Variants in ZNF385D observed in about 807,000 individuals in gnomAD.
The protein encoded by ZNF385D is zinc finger protein 385D, also known as zinc finger protein 659.
In ZNF385D, 15 loss-of-function variants were observed where a neutral mutation model predicts 35.8. The observed-to-expected ratio is 0.42, with a 90% CI of 0.28 to 0.64. ZNF385D has a LOEUF of 0.64. ZNF385D is among the 30% of genes least tolerant of loss of function. The probability of loss-of-function intolerance (pLI) is 0.23; values close to 1 mark genes in which losing one functional copy is unlikely to be tolerated. For missense variants in ZNF385D, 474 were observed against 494.6 expected (o/e 0.96, Z 0.39); for synonymous variants, 212 against 186.8 (o/e 1.13, Z -1.10).
chr3:21,513,754 C>T (rs1707379078), intron 3 of ZNF385D, among the ~76,000 whole-genome samples: 1 of 152,026 alleles, frequency 6.6e-6, no homozygotes, highest in Non-Finnish European at 1.5e-5. Context: ...TTTTCTTTAT[C>T]ATTGACTTTT....
rs1277359631 is a variant in ZNF385D at position 21,665,042 on chromosome 3, A to G, written c.23-14T>C. 5 of 1,580,478 alleles carry G rather than the reference A, an allele frequency of 3.2e-6. No individual in the cohort carries two copies. Among genetic ancestry groups the G allele is most frequent in the Non-Finnish European group, 4.3e-6 (5 of 1,164,344 alleles). On this transcript the variant is annotated splice_polypyrimidine_tract_variant and intron_variant, in intron 1 of 7. Transcript: ENST00000281523. ...GGCATGTACCACCTGTGAAGACCAGAGCAAAGGGAGCAATCAGGGACACCA... is the reference window on the plus strand; with the variant it reads ...GGCATGTACCACCTGTGAAGACCAGGGCAAAGGGAGCAATCAGGGACACCA...
intron 2 of ZNF385D, among the ~76,000 whole-genome samples, chr3:22,356,314 T>C (rs1449067321): frequency 3.9e-5 from 6 of 152,032 alleles, no homozygotes; most frequent in Non-Finnish European, 7.4e-5. Context: ...GGGTATGGTA[T>C]GAAAAGTTTT....
intron 2 of ZNF385D, among the ~76,000 whole-genome samples, chr3:22,169,390 G>C (rs1255193502): frequency 1.3e-5 from 2 of 152,188 alleles, no homozygotes; most frequent in African/African-American, 2.4e-5. Flanking sequence ...CAGCTAACAA[G>C]TGGTATAGCT....
intron 3 of ZNF385D, among the ~76,000 whole-genome samples, chr3:22,146,234 T>C (rs2125711835): frequency 6.6e-6 from 1 of 152,310 alleles, no homozygotes; most frequent in South Asian, 2.1e-4. Flanking sequence ...CAGTTCTACA[T>C]TGTTTCACCA....
rs536307673 is a variant in ZNF385D, at chr3:21,796,597, C to A, written c.326-131569G>T. Among the ~76,000 whole-genome samples, 3 of 152,270 alleles carry A rather than the reference C, an allele frequency of 2.0e-5. No homozygotes were observed. The East Asian group carries it at 5.8e-4, about 29-fold the overall frequency. ...TCTACACACAGACCTTCAGACCTTA[C>A]ACTTTCACAAAAATAAACTAAAGGT... On this transcript the variant is annotated intron_variant, in intron 3 of 5. Coordinates refer to the ZNF385D transcript ENST00000494108.
chr3:22,095,046 T>A (rs1701539300), intron 3 of ZNF385D, among the ~76,000 whole-genome samples: 1 of 151,498 alleles, frequency 6.6e-6, no homozygotes. Context: ...CAGTTAGGAC[T>A]ACAGACATGC....
At chr3:21,593,903 C>G (rs1323213475) in intron 2 of ZNF385D, among the ~76,000 whole-genome samples, 4 of 152,026 alleles carry the variant, frequency 2.6e-5, no homozygotes, top group Non-Finnish European at 5.9e-5. Flanking sequence ...TGGATTTATC[C>G]CACCACAAAG....
chr3:22,255,828 T>A (rs1407719068), intron 2 of ZNF385D, among the ~76,000 whole-genome samples: 2 of 151,446 alleles, frequency 1.3e-5, no homozygotes, highest in Non-Finnish European at 2.9e-5. Context: ...CTTTCCTTAC[T>A]AATTGTGATG....
At chr3:22,311,416 A>C (rs542401768) in intron 2 of ZNF385D, among the ~76,000 whole-genome samples, 62 of 151,982 alleles carry the variant, frequency 4.1e-4, no homozygotes, top group Non-Finnish European at 7.7e-4. Context: ...TACTTTAATA[A>C]ATGTGGTTTC....
chr3:22,242,062 C>T (rs1347457181), intron 2 of ZNF385D, among the ~76,000 whole-genome samples: 2 of 143,002 alleles, frequency 1.4e-5, no homozygotes, highest in African/African-American at 5.3e-5. Flanking sequence ...ACATCACACT[C>T]TGGGGACTGT....
At chr3:22,028,252 T>A (rs1329969259) in intron 3 of ZNF385D, among the ~76,000 whole-genome samples, 1 of 152,122 alleles carries the variant, frequency 6.6e-6, no homozygotes, top group Non-Finnish European at 1.5e-5. Flanking sequence ...CAGAAGAGAA[T>A]TTTAATAATC....
intron 3 of ZNF385D, among the ~76,000 whole-genome samples, chr3:21,813,172 C>T (rs1254827186): frequency 6.6e-6 from 1 of 152,084 alleles, no homozygotes; most frequent in Admixed American, 6.5e-5. Flanking sequence ...GAAAGGACAT[C>T]CATACCAAAA....
chr3:22,109,060 A>G (rs977154167), intron 3 of ZNF385D, among the ~76,000 whole-genome samples: 21 of 152,154 alleles, frequency 1.4e-4, no homozygotes, highest in Non-Finnish European at 2.8e-4. Flanking sequence ...CAGACGAACG[A>G]CGCAATACAT....
chr3:21,807,767 A>G (rs2072719924), intron 3 of ZNF385D, among the ~76,000 whole-genome samples: 1 of 152,132 alleles, frequency 6.6e-6, no homozygotes, highest in African/African-American at 2.4e-5. Flanking sequence ...ATCAACTTCT[A>G]TTTTTCAATG....
chr3:21,667,393 C>G (rs2066440485), intron 1 of ZNF385D, among the ~76,000 whole-genome samples: 1 of 152,160 alleles, frequency 6.6e-6, no homozygotes, highest in Admixed American at 6.5e-5. Context: ...AACTCCTGAG[C>G]TCAAGCAATC....
intron 3 of ZNF385D, among the ~76,000 whole-genome samples, chr3:21,769,039 C>T (rs1462758153): frequency 6.6e-6 from 1 of 151,986 alleles, no homozygotes; most frequent in Non-Finnish European, 1.5e-5. Context: ...AGTTACGTCC[C>T]ATCAATACCT....
chr3:22,318,570 T>A (rs982161436), intron 2 of ZNF385D, among the ~76,000 whole-genome samples: 2 of 152,144 alleles, frequency 1.3e-5, no homozygotes, highest in African/African-American at 4.8e-5. Flanking sequence ...GCTTAGTGAA[T>A]TGGTGGTCAA....
At chr3:22,016,794 A>G (rs1344416767) in intron 3 of ZNF385D, among the ~76,000 whole-genome samples, 1 of 152,022 alleles carries the variant, frequency 6.6e-6, no homozygotes, top group East Asian at 1.9e-4. Flanking sequence ...AGCATAACCT[A>G]GTCTATCCTG....
At chr3:21,819,876 T>C (rs1057419840) in intron 3 of ZNF385D, among the ~76,000 whole-genome samples, 5 of 148,586 alleles carry the variant, frequency 3.4e-5, no homozygotes, top group African/African-American at 9.8e-5. Context: ...TATACACACA[T>C]AATTAGGTTA....
Sources: allele counts gnomAD v4.1 joint callset (sites outside exome capture counted in the v4.1 genomes callset), GRCh38; gene constraint gnomAD v4.1.1; transcripts MANE v1.5; gene names NCBI Gene and HGNC (gene_info 2026-07-23, HGNC 2026-07-21).